Variants in NKAIN3 observed in about 807,000 individuals in gnomAD.
NKAIN3 encodes the protein sodium/potassium-transporting ATPase subunit beta-1-interacting protein 3.
A neutral mutation model predicts 30.2 loss-of-function variants in NKAIN3; 25 were observed. The ratio of observed to expected loss-of-function variants is 0.83; its 90% CI spans 0.60 to 1.16. The LOEUF (loss-of-function observed/expected upper bound fraction) is 1.16. Ranked by LOEUF, NKAIN3 falls within the 50% of genes most tolerant of loss-of-function variation. The pLI is 0.00. For missense variants in NKAIN3, 225 were observed against 254.1 expected (o/e 0.89, Z 0.78); for synonymous variants, 91 against 89.6 (o/e 1.02, Z -0.09).
intron 1 of NKAIN3, among the ~76,000 whole-genome samples, chr8:62,350,924 A>C (rs1437135899): frequency 6.6e-6 from 1 of 151,870 alleles, no homozygotes; most frequent in Non-Finnish European, 1.5e-5. Context: ...TCCTGACCTC[A>C]AGTGATCCAC....
chr8:62,407,603 T>C (rs1804114744), intron 1 of NKAIN3, among the ~76,000 whole-genome samples: 1 of 152,134 alleles, frequency 6.6e-6, no homozygotes, highest in Admixed American at 6.6e-5. Flanking sequence ...TTTGTAAATT[T>C]TGTATTTTTA....
At chr8:62,402,985 T>C (rs1803935854) in intron 1 of NKAIN3, among the ~76,000 whole-genome samples, 1 of 152,134 alleles carries the variant, frequency 6.6e-6, no homozygotes, top group Admixed American at 6.5e-5. Flanking sequence ...CTTTGGAACT[T>C]CCTAGAGACT....
chr8:62,862,016 G>T (rs1286761841), intron 4 of NKAIN3, among the ~76,000 whole-genome samples: 1 of 152,178 alleles, frequency 6.6e-6, no homozygotes, highest in African/African-American at 2.4e-5. Flanking sequence ...TATTAGAGCT[G>T]CTCAGACTTT....
At chr8:62,653,938 G>A (rs1372287191) in intron 3 of NKAIN3, among the ~76,000 whole-genome samples, 1 of 152,050 alleles carries the variant, frequency 6.6e-6, no homozygotes, top group Non-Finnish European at 1.5e-5. Flanking sequence ...TTCTAACCAT[G>A]GTTTTAATCC....
chr8:62,611,520 C>T (rs759104932), intron 3 of NKAIN3, among the ~76,000 whole-genome samples: 2 of 152,064 alleles, frequency 1.3e-5, no homozygotes, highest in Non-Finnish European at 2.9e-5. Flanking sequence ...TTTTAGATTC[C>T]ATACAGTGAT....
At chr8:62,430,733 T>G (rs1001303297) in intron 1 of NKAIN3, among the ~76,000 whole-genome samples, 1 of 151,868 alleles carries the variant, frequency 6.6e-6, no homozygotes, top group African/African-American at 2.4e-5. Context: ...AAATGGGTTA[T>G]GAAAATCAAC....
rs183589702 is a variant in NKAIN3, at chr8:62,505,277, T to C, written c.55-74262T>C. 1.1e-3 allele frequency among the ~76,000 whole-genome samples: 167 copies of C among 152,312 alleles called. 2 individuals carry two copies. The Middle Eastern group carries it at 0.02, about 19-fold the overall frequency. On this transcript the variant is annotated intron_variant, in intron 1 of 6. Coordinates refer to ENST00000623646, the MANE Select transcript of NKAIN3 (RefSeq NM_001304533.3). ...GGGGTGAATTCCTTGTGTTTAGCCC[T>C]AGGTATTGAAAAGCAACTAACAAGA...
Position 62,541,649 on chromosome 8 carries a change from T to C in NKAIN3, c.55-37890T>C, listed in dbSNP as rs535611893. On this transcript the variant is annotated intron_variant, in intron 1 of 6. Transcript: ENST00000623646. ...ATTGCACCACTCATCTTTTTTCTAT[T>C]ATCCATTTTTTTGCTTTTAATTCTA... Among the ~76,000 whole-genome samples the C allele has an allele frequency of 1.1e-4, 16 of 152,248 alleles. No individual in the cohort carries two copies. The East Asian group carries it at 2.1e-3, about 20-fold the overall frequency.
At chr8:62,858,999 G>T (rs1303719047) in intron 4 of NKAIN3, among the ~76,000 whole-genome samples, 3 of 152,202 alleles carry the variant, frequency 2.0e-5, no homozygotes, top group Non-Finnish European at 4.4e-5. Flanking sequence ...CTGGGTCTCA[G>T]TGCATGCCTG....
At chr8:62,817,994 G>T (rs1818737724) in intron 4 of NKAIN3, among the ~76,000 whole-genome samples, 1 of 152,082 alleles carries the variant, frequency 6.6e-6, no homozygotes, top group African/African-American at 2.4e-5. Flanking sequence ...TGAAGTAAAA[G>T]AAGTATATTA....
intron 4 of NKAIN3, among the ~76,000 whole-genome samples, chr8:62,836,774 A>G (rs1181401162): frequency 1.3e-5 from 2 of 152,130 alleles, no homozygotes; most frequent in African/African-American, 4.8e-5. Context: ...CATGCTGGAG[A>G]TGACTTTGGC....
downstream of NKAIN3, among the ~76,000 whole-genome samples, chr8:62,986,294 C>T (rs1026142383): frequency 6.6e-6 from 1 of 152,196 alleles, no homozygotes. Flanking sequence ...GATTGAGGCC[C>T]TTTGTTTTGG....
At chr8:62,492,267 G>A (rs1279619771) in intron 1 of NKAIN3, among the ~76,000 whole-genome samples, 1 of 152,110 alleles carries the variant, frequency 6.6e-6, no homozygotes, top group African/African-American at 2.4e-5. Flanking sequence ...AGTGTAGAGT[G>A]CAGTATTTAT....
At chr8:62,730,098 A>T (rs1815421029) in intron 3 of NKAIN3, among the ~76,000 whole-genome samples, 2 of 152,096 alleles carry the variant, frequency 1.3e-5, no homozygotes, top group South Asian at 4.1e-4. Context: ...TAAGGGACCG[A>T]CTTTGTACTT....
chr8:62,803,950 G>A (rs1476730515), intron 4 of NKAIN3, among the ~76,000 whole-genome samples: 1 of 152,144 alleles, frequency 6.6e-6, no homozygotes, highest in Non-Finnish European at 1.5e-5. Flanking sequence ...TGATCCCACA[G>A]AAATACAAAC....
chr8:62,640,570 G>A (rs565302153), intron 3 of NKAIN3, among the ~76,000 whole-genome samples: 5 of 152,266 alleles, frequency 3.3e-5, no homozygotes, highest in African/African-American at 1.2e-4. Flanking sequence ...ATTGAAGACT[G>A]AATTTACCAT....
chr8:62,704,347 T>C (rs894298683), intron 3 of NKAIN3, among the ~76,000 whole-genome samples: 3 of 152,228 alleles, frequency 2.0e-5, no homozygotes, highest in Non-Finnish European at 2.9e-5. Flanking sequence ...TCCATAGTTA[T>C]AATATTTTAT....
At position 62,461,597 on chromosome 8, in the gene NKAIN3, A is replaced by AT. The variant is rs555173707; in HGVS notation, c.55-117941dup. On this transcript the variant is annotated intron_variant, in intron 1 of 6. Coordinates refer to ENST00000623646, the MANE Select transcript of NKAIN3 (RefSeq NM_001304533.3). ...TCTGAAGAACTAAAGTGTAAGAATG[A>AT]TATCTTGCCAAATAGAGAATATCAA... 1.7e-3 allele frequency among the ~76,000 whole-genome samples: 266 copies of AT among 152,366 alleles called. 1 individual carries two copies. The highest frequency in any genetic ancestry group is 6.2e-3 in the African/African-American group (256 of 41,584).
intron 1 of NKAIN3, among the ~76,000 whole-genome samples, chr8:62,373,075 G>C (rs1432401464): frequency 6.6e-6 from 1 of 152,002 alleles, no homozygotes; most frequent in Non-Finnish European, 1.5e-5. Context: ...ATAGTCTTGG[G>C]TTATTCAAAA....
Sources: allele counts gnomAD v4.1 joint callset (sites outside exome capture counted in the v4.1 genomes callset), GRCh38; gene constraint gnomAD v4.1.1; transcripts MANE v1.5; gene names NCBI Gene and HGNC (gene_info 2026-07-23, HGNC 2026-07-21).